Variants in TSNAX observed in about 807,000 individuals in gnomAD.
TSNAX encodes translin associated factor X.
In TSNAX, 12 loss-of-function variants were observed where a neutral mutation model predicts 33.0. That is an observed-to-expected ratio of 0.36 (90% CI 0.23 to 0.59). TSNAX has a LOEUF of 0.59. TSNAX is among the 20% of genes least tolerant of loss of function. TSNAX has a pLI of 0.74. For missense variants in TSNAX, 267 were observed against 341.3 expected (o/e 0.78, Z 1.72); for synonymous variants, 110 against 117.2 (o/e 0.94, Z 0.40).
chr1:231,546,641 T>G (rs904747070), intron 4 of TSNAX, among the ~76,000 whole-genome samples: 1 of 152,208 alleles, frequency 6.6e-6, no homozygotes, highest in African/African-American at 2.4e-5. Context: ...GTTGGTTAGT[T>G]AAGGTAAAGC....
rs552875721 is a variant in TSNAX at position 231,545,218 on chromosome 1, G to C, written c.367+2607G>C. ...ATATGATGCTTATGAATAGCTTGCTGCTTGTAATTGTTAAATGCTTGTTTT... is the reference window on the plus strand; with the variant it reads ...ATATGATGCTTATGAATAGCTTGCTCCTTGTAATTGTTAAATGCTTGTTTT... On this transcript the variant is annotated intron_variant, in intron 4 of 5. Coordinates refer to ENST00000366639, the MANE Select transcript of TSNAX (RefSeq NM_005999.3). 3.3e-5 allele frequency among the ~76,000 whole-genome samples: 5 copies of C among 152,304 alleles called. No homozygotes were observed. The East Asian group carries it at 9.6e-4, about 29-fold the overall frequency.
Position 231,553,920 on chromosome 1 carries a change from A to G in TSNAX, c.368-7208A>G, listed in dbSNP as rs1025965650. On this transcript the variant is annotated intron_variant, in intron 4 of 5. Coordinates refer to ENST00000366639, the MANE Select transcript of TSNAX (RefSeq NM_005999.3). The stretch of plus-strand genomic sequence containing the variant: ...AGGCTGGTCTCGAACTCCCAACCTC[A>G]GGTGATCCACCCACTTTGGCCTCCC... 2.0e-5 allele frequency among the ~76,000 whole-genome samples: 3 copies of G among 152,256 alleles called. No individual in the cohort carries two copies. The East Asian group carries it at 5.8e-4, about 29-fold the overall frequency.
At chr1:231,552,931 TTTTAATAGCTGAATTATAGTC>T (rs1467157501) in intron 4 of TSNAX, among the ~76,000 whole-genome samples, 1 of 152,232 alleles carries the variant, frequency 6.6e-6, no homozygotes, top group African/African-American at 2.4e-5. Context: ...TTTCATTCCT[TTTTAATAGCTGAATTATAGTC>T]TGTTTTATGG....
chr1:231,542,720 G>A lies in TSNAX; in HGVS notation c.367+109G>A, dbSNP rs149038358. 4.5e-5 allele frequency: 59 copies of A among 1,311,492 alleles called. 1 individual carries two copies. In the African/African-American group the frequency reaches 7.3e-4, roughly 16 times the overall value. The allele number at this position is 1,311,492 out of a possible 1,614,324, so 81.2% of individuals were successfully genotyped here. Reference sequence around the variant, plus strand: ...GACACCTGATGAAATAATAATACTGGCTTTTAAAGAACTGCAACTTTGTAG... The same window carrying A: ...GACACCTGATGAAATAATAATACTGACTTTTAAAGAACTGCAACTTTGTAG... On this transcript the variant is annotated intron_variant, in intron 4 of 5. Transcript: ENST00000366639.
chr1:231,557,389 C>G (rs1205630627), intron 4 of TSNAX, among the ~76,000 whole-genome samples: 1 of 152,114 alleles, frequency 6.6e-6, no homozygotes, highest in Admixed American at 6.5e-5. Context: ...GCACAAAATG[C>G]TGAATGCTGC....
At chr1:231,562,372 A>T (rs1661176127) in intron 5 of TSNAX, among the ~76,000 whole-genome samples, 1 of 152,014 alleles carries the variant, frequency 6.6e-6, no homozygotes, top group African/African-American at 2.4e-5. Flanking sequence ...CTAATTTGGC[A>T]TGACAGGTAT....
intron 4 of TSNAX, among the ~76,000 whole-genome samples, chr1:231,544,865 T>G (rs185774066): frequency 2.5e-4 from 38 of 152,244 alleles, no homozygotes; most frequent in African/African-American, 9.1e-4. Context: ...ATTAAGAAAA[T>G]GGGAATGATA....
intron 4 of TSNAX, among the ~76,000 whole-genome samples, chr1:231,558,306 C>G (rs917589423): frequency 3.3e-4 from 50 of 152,108 alleles, no homozygotes; most frequent in African/African-American, 1.1e-3. Context: ...GCTGGCTGCC[C>G]CATACTCAGG....
Position 231,566,015 on chromosome 1 carries a change from T to G in TSNAX, c.*1110T>G, listed in dbSNP as rs552543419. 1 of 152,284 alleles carries G rather than the reference T, an allele frequency of 6.6e-6. No individual in the cohort carries two copies. Among genetic ancestry groups the G allele is most frequent in the East Asian group, 1.9e-4 (1 of 5,188 alleles). The allele number at this position is 152,284 out of a possible 1,614,324, so 9.4% of individuals were successfully genotyped here. On this transcript the variant is annotated 3_prime_UTR_variant, in exon 6 of 6. Coordinates refer to ENST00000366639, the MANE Select transcript of TSNAX (RefSeq NM_005999.3). ...TAGTGATTATTTAGCAATTTTTGTT[T>G]TTGTTATATTAGGCATGTTTGGAGG...
At chr1:231,540,509 C>T (rs961724750) in intron 3 of TSNAX, among the ~76,000 whole-genome samples, 2 of 152,182 alleles carry the variant, frequency 1.3e-5, no homozygotes, top group African/African-American at 4.8e-5. Context: ...GGTCAGAGAA[C>T]ATACTTTCTA....
In TSNAX at chr1:231,561,273, A is replaced by T. The variant is rs750436584; in HGVS notation, c.495+18A>T. 3.2e-5 allele frequency: 47 copies of T among 1,472,946 alleles called. No individual in the cohort carries two copies. The highest frequency in any genetic ancestry group is 2.2e-4 in the Middle Eastern group (1 of 4,632). The allele number at this position is 1,472,946 out of a possible 1,614,324, so 91.2% of individuals were successfully genotyped here. On this transcript the variant is annotated intron_variant, in intron 5 of 5. Coordinates refer to ENST00000366639, the MANE Select transcript of TSNAX (RefSeq NM_005999.3). ...ATAAAACTGTGAGAATTTAAAATTT[A>T]TTTCACATTTGTTATATAATTTATG...
chr1:231,562,088 T>A (rs1366707527), intron 5 of TSNAX, among the ~76,000 whole-genome samples: 1 of 151,288 alleles, frequency 6.6e-6, no homozygotes, highest in African/African-American at 2.4e-5. Context: ...CTGTATTGAC[T>A]ATTTGATACT....
intron 4 of TSNAX, among the ~76,000 whole-genome samples, chr1:231,550,893 A>G (rs1660255331): frequency 6.6e-6 from 1 of 152,190 alleles, no homozygotes; most frequent in South Asian, 2.1e-4. Context: ...TACTTTGCAT[A>G]TCAAATCATG....
In TSNAX at chr1:231,555,548, A is replaced by G. The variant is rs151320112; in HGVS notation, c.368-5580A>G. Among the ~76,000 whole-genome samples, 453 of 152,342 alleles carry G rather than the reference A, an allele frequency of 3.0e-3. 3 individuals carry two copies. The highest frequency in any genetic ancestry group is 0.011 in the African/African-American group (443 of 41,584). ...AATATGCTAAACTGTACACTTAAAAATGGCTAAGCTGGTAAATGTTATGTT... is the reference window on the plus strand; with the variant it reads ...AATATGCTAAACTGTACACTTAAAAGTGGCTAAGCTGGTAAATGTTATGTT... On this transcript the variant is annotated intron_variant, in intron 4 of 5. Transcript: ENST00000366639.
At chr1:231,550,473 A>G (rs1660226431) in intron 4 of TSNAX, among the ~76,000 whole-genome samples, 2 of 152,334 alleles carry the variant, frequency 1.3e-5, no homozygotes, top group African/African-American at 2.4e-5. Context: ...TGCAGAGCAT[A>G]TTCTCTCAGG....
At chr1:231,535,894 C>T (rs922927369) in intron 2 of TSNAX, 1 of 152,068 alleles carries the variant, frequency 6.6e-6, no homozygotes, top group Non-Finnish European at 1.5e-5. Flanking sequence ...GATTTGTGTC[C>T]GTAACAATTT....
intron 5 of TSNAX, among the ~76,000 whole-genome samples, chr1:231,561,598 T>G (rs1365798373): frequency 1.3e-5 from 2 of 152,208 alleles, no homozygotes; most frequent in African/African-American, 4.8e-5. Context: ...GCATTATTAC[T>G]CTCATTTTAC....
rs889141613 is a variant in TSNAX at position 231,529,374 on chromosome 1, A to G, written c.121+15A>G. The G allele has an allele frequency of 1.1e-5, 17 of 1,611,946 alleles. No homozygotes were observed. The African/African-American group carries it at 1.2e-4, about 11-fold the overall frequency. On this transcript the variant is annotated intron_variant, in intron 2 of 5. Transcript: ENST00000366639. Reference sequence around the variant, plus strand: ...GGCCTTTAAATGTAAGTTCTCTGCAATGTAAGTTGAAGAAGGGGAGAGAAC... The same window carrying G: ...GGCCTTTAAATGTAAGTTCTCTGCAGTGTAAGTTGAAGAAGGGGAGAGAAC...
chr1:231,537,350 T>C (rs1215633274), intron 3 of TSNAX, 23 bp downstream of exon 3: 1 of 1,485,716 alleles, frequency 6.7e-7, no homozygotes, highest in Admixed American at 1.8e-5. Flanking sequence ...CTTTAGAATT[T>C]ATTACAGTTT....
Sources: allele counts gnomAD v4.1 joint callset (sites outside exome capture counted in the v4.1 genomes callset), GRCh38; gene constraint gnomAD v4.1.1; transcripts MANE v1.5; gene names NCBI Gene and HGNC (gene_info 2026-07-23, HGNC 2026-07-21).